PDE4D: variants seen among roughly 807,000 people sequenced by gnomAD.
PDE4D encodes phosphodiesterase 4D.
PDE4D carries 24 observed loss-of-function variants against 87.4 expected under a neutral mutation model. The observed-to-expected ratio is 0.27, with a 90% CI of 0.20 to 0.39. PDE4D has a LOEUF of 0.39. PDE4D is among the 10% of genes least tolerant of loss of function. The pLI, the probability that PDE4D is intolerant of heterozygous loss-of-function variation, is 1.00. For synonymous variants in PDE4D, 384 were observed against 383.2 expected, an observed-to-expected ratio of 1.00 and a Z score of -0.02; for missense variants, 714 against 1,041.0, an observed-to-expected ratio of 0.69 and a Z score of 4.32.
At chr5:59,913,451 A>G (rs989095104) in intron 3 of PDE4D, among the ~76,000 whole-genome samples, 1 of 152,210 alleles carries the variant, frequency 6.6e-6, no homozygotes, top group African/African-American at 2.4e-5. Context: ...TTACACATTC[A>G]TAAGACTTCC....
chr5:59,330,148 A>G (rs1004653196), intron 1 of PDE4D, among the ~76,000 whole-genome samples: 2 of 152,188 alleles, frequency 1.3e-5, no homozygotes, highest in Non-Finnish European at 2.9e-5. Flanking sequence ...CAAACACCTC[A>G]GTCAAGCATT....
At chr5:60,293,978 G>A (rs1188773586) in intron 1 of PDE4D, among the ~76,000 whole-genome samples, 9 of 152,320 alleles carry the variant, frequency 5.9e-5, no homozygotes, top group African/African-American at 1.9e-4. Flanking sequence ...AGGTCAAAGG[G>A]TAGGTGAAAG....
At chr5:59,059,221 A>G (rs944718063) in intron 5 of PDE4D, among the ~76,000 whole-genome samples, 8 of 152,166 alleles carry the variant, frequency 5.3e-5, no homozygotes, top group African/African-American at 1.9e-4. Flanking sequence ...CATAAACCCC[A>G]CTGGAAATTA....
At chr5:59,882,696 A>G (rs1055728301) in intron 1 of PDE4D, among the ~76,000 whole-genome samples, 3 of 152,112 alleles carry the variant, frequency 2.0e-5, no homozygotes, top group African/African-American at 7.2e-5. Context: ...GATATGTTAT[A>G]AATATCGAGA....
chr5:60,205,796 A>G (rs1451524899), intron 1 of PDE4D, among the ~76,000 whole-genome samples: 1 of 151,856 alleles, frequency 6.6e-6, no homozygotes, highest in African/African-American at 2.4e-5. Context: ...CTGAGACAGG[A>G]GAGTTGTTCA....
chr5:59,348,297 A>G (rs1380872631), intron 1 of PDE4D, among the ~76,000 whole-genome samples: 1 of 152,180 alleles, frequency 6.6e-6, no homozygotes, highest in African/African-American at 2.4e-5. Context: ...TATCTACTGT[A>G]TCTATATGAT....
intron 1 of PDE4D, among the ~76,000 whole-genome samples, chr5:59,674,185 C>T (rs1055037189): frequency 6.6e-6 from 1 of 152,058 alleles, no homozygotes. Flanking sequence ...CAGAATAAAA[C>T]ATATTATTGT....
At chr5:59,577,165 T>A (rs1823308674) in intron 1 of PDE4D, among the ~76,000 whole-genome samples, 1 of 151,918 alleles carries the variant, frequency 6.6e-6, no homozygotes, top group Admixed American at 6.6e-5. Context: ...AAGAGAAGAG[T>A]TGGGAAGATA....
At chr5:59,781,544 T>C (rs867662464) in intron 1 of PDE4D, among the ~76,000 whole-genome samples, 3 of 152,032 alleles carry the variant, frequency 2.0e-5, no homozygotes, top group African/African-American at 4.8e-5. Flanking sequence ...TCCCAGCACT[T>C]TGGGAGGCCA....
At chr5:59,541,264 AG>A (rs1199775646) in intron 1 of PDE4D, among the ~76,000 whole-genome samples, 1 of 152,222 alleles carries the variant, frequency 6.6e-6, no homozygotes, top group African/African-American at 2.4e-5. Context: ...TAAGCATTAC[AG>A]GGAATGTACA....
At chr5:59,188,639 C>A (rs1435732460) in intron 3 of PDE4D, among the ~76,000 whole-genome samples, 1 of 152,070 alleles carries the variant, frequency 6.6e-6, no homozygotes, top group Non-Finnish European at 1.5e-5. Flanking sequence ...AAAACACAGA[C>A]CATGAGGTTG....
chr5:59,095,686 GACTTT>G (rs1769579012), intron 5 of PDE4D, among the ~76,000 whole-genome samples: 1 of 152,072 alleles, frequency 6.6e-6, no homozygotes, highest in South Asian at 2.1e-4. Flanking sequence ...AGACTACCAG[GACTTT>G]ACTTGCACAA....
At chr5:60,046,351 C>G (rs60199646) in intron 2 of PDE4D, among the ~76,000 whole-genome samples, 1 of 152,012 alleles carries the variant, frequency 6.6e-6, no homozygotes. Flanking sequence ...AATTGAATAC[C>G]CTTTATTTCC....
intron 1 of PDE4D, among the ~76,000 whole-genome samples, chr5:59,252,013 G>A (rs1184140573): frequency 1.3e-5 from 2 of 152,102 alleles, no homozygotes; most frequent in African/African-American, 2.4e-5. Flanking sequence ...AGACATTGGG[G>A]TCTACTTGAT....
chr5:59,357,644 T>C (rs1409440384), intron 1 of PDE4D, among the ~76,000 whole-genome samples: 1 of 152,234 alleles, frequency 6.6e-6, no homozygotes, highest in Admixed American at 6.5e-5. Context: ...GAAACATTTC[T>C]TAACTCTGAT....
intron 2 of PDE4D, among the ~76,000 whole-genome samples, chr5:60,048,665 C>A (rs572058822): frequency 2.4e-4 from 37 of 151,862 alleles, no homozygotes; most frequent in South Asian, 6.2e-4. Flanking sequence ...GTTGAAAATT[C>A]TTTTCTTTAA....
intron 1 of PDE4D, among the ~76,000 whole-genome samples, chr5:60,245,009 C>T (rs1384864149): frequency 6.6e-6 from 1 of 151,876 alleles, no homozygotes; most frequent in African/African-American, 2.4e-5. Flanking sequence ...AAAGAGAAAA[C>T]CCACAGAATG....
intron 2 of PDE4D, among the ~76,000 whole-genome samples, chr5:60,165,290 C>A (rs1435642103): frequency 6.6e-6 from 1 of 152,146 alleles, no homozygotes; most frequent in Non-Finnish European, 1.5e-5. Flanking sequence ...GTGTTCTTGG[C>A]ACTTTTGACA....
upstream of PDE4D, chr5:60,490,668 C>A (rs1469811234): frequency 6.6e-6 from 1 of 152,182 alleles, no homozygotes; most frequent in Non-Finnish European, 1.5e-5. Context: ...TCATGGTATA[C>A]AAGGGTCACC....
Sources: allele counts gnomAD v4.1 joint callset (sites outside exome capture counted in the v4.1 genomes callset), GRCh38; gene constraint gnomAD v4.1.1; transcripts MANE v1.5; gene names NCBI Gene and HGNC (gene_info 2026-07-23, HGNC 2026-07-21).